Variants in PIK3C2A observed in about 807,000 individuals in gnomAD.
The protein encoded by PIK3C2A is phosphatidylinositol-4-phosphate 3-kinase catalytic subunit type 2 alpha, also known as phosphatidylinositol 4-phosphate 3-kinase C2 domain-containing subunit alpha.
PIK3C2A carries 97 observed loss-of-function variants against 204.5 expected under a neutral mutation model. That is an observed-to-expected ratio of 0.47 (90% CI 0.40 to 0.56). PIK3C2A has a LOEUF of 0.56. PIK3C2A is among the 20% of genes least tolerant of loss of function. The probability of loss-of-function intolerance (pLI) is 0.00; values close to 1 mark genes in which losing one functional copy is unlikely to be tolerated. For missense variants in PIK3C2A, 1,735 were observed against 1,969.2 expected, an observed-to-expected ratio of 0.88 and a Z score of 2.25; for synonymous variants, 653 against 664.4, an observed-to-expected ratio of 0.98 and a Z score of 0.26.
At chr11:17,181,231 G>T (rs1851539056) in intron 1 of PIK3C2A, among the ~76,000 whole-genome samples, 1 of 151,926 alleles carries the variant, frequency 6.6e-6, no homozygotes, top group South Asian at 2.1e-4. Context: ...TCTGGCCATT[G>T]GTAATTGGTC....
chr11:17,160,376 A>C (rs959172027), intron 2 of PIK3C2A, among the ~76,000 whole-genome samples: 3 of 152,240 alleles, frequency 2.0e-5, no homozygotes, highest in African/African-American at 7.2e-5. Flanking sequence ...CCAGGGCAAC[A>C]GAAGTTTCAA....
intron 2 of PIK3C2A, among the ~76,000 whole-genome samples, chr11:17,164,706 A>G (rs890433351): frequency 1.3e-5 from 2 of 152,256 alleles, no homozygotes; most frequent in African/African-American, 2.4e-5. Context: ...TTTAACTAAG[A>G]TCTAGGAACT....
At chr11:17,100,149 A>G (rs1339570171) in intron 25 of PIK3C2A, among the ~76,000 whole-genome samples, 180 bp from the exon 26 acceptor site, 2 of 150,780 alleles carry the variant, frequency 1.3e-5, no homozygotes. Flanking sequence ...ATGGACACCA[A>G]GGAAGTCAAG....
In PIK3C2A at chr11:17,185,560, T is replaced by C. The variant is rs562963230; in HGVS notation, c.-65-15754A>G. ...AGGTGGGGAAACTACTATAGTAAGA[T>C]ATTACAATCAGTGAGAGAAATGATT... On this transcript the variant is annotated intron_variant, in intron 1 of 32. Coordinates refer to ENST00000691414, the MANE Select transcript of PIK3C2A (RefSeq NM_002645.4). Among the ~76,000 whole-genome samples, 4 of 152,326 alleles carry C rather than the reference T, an allele frequency of 2.6e-5. No homozygotes were observed. The East Asian group carries it at 7.7e-4, about 29-fold the overall frequency.
chr11:17,202,183 G>T (rs988700631), intron 1 of PIK3C2A, among the ~76,000 whole-genome samples: 2 of 151,048 alleles, frequency 1.3e-5, no homozygotes, highest in African/African-American at 4.9e-5. Context: ...TTGAACCCAG[G>T]AGGCGGAGGT....
intron 2 of PIK3C2A, among the ~76,000 whole-genome samples, chr11:17,168,377 C>T (rs937191445): frequency 2.6e-5 from 4 of 152,124 alleles, no homozygotes; most frequent in Middle Eastern, 3.4e-3. Flanking sequence ...GTCAGGAGAT[C>T]GAGACCATTC....
chr11:17,206,862 C>G (rs1177084416), intron 1 of PIK3C2A, among the ~76,000 whole-genome samples: 1 of 152,134 alleles, frequency 6.6e-6, no homozygotes, highest in Non-Finnish European at 1.5e-5. Context: ...TGAAACCCAC[C>G]AGGAAAGATT....
intron 15 of PIK3C2A, among the ~76,000 whole-genome samples, chr11:17,120,546 T>A (rs1849338435): frequency 6.6e-6 from 1 of 151,880 alleles, no homozygotes; most frequent in African/African-American, 2.4e-5. Context: ...ATTCATTTCA[T>A]GTGGAGTAAT....
intron 12 of PIK3C2A, among the ~76,000 whole-genome samples, chr11:17,131,477 G>A (rs1047616219): frequency 3.2e-4 from 47 of 147,254 alleles, no homozygotes; most frequent in Admixed American, 2.1e-3. Context: ...GCTGGAGTGC[G>A]GTGGCTCAAT....
In PIK3C2A at chr11:17,102,654, CATTAT is replaced by C. The variant is rs751108306; in HGVS notation, c.3851+3_3851+7del. On this transcript the variant is annotated splice_donor_5th_base_variant and intron_variant, in intron 24 of 32. Coordinates refer to ENST00000691414, the MANE Select transcript of PIK3C2A (RefSeq NM_002645.4). ...CTCATTTCTTTGGCAACAGCAATAA[CATTAT>C]ACCTTTTGAAGCTGCCAAACATCTG... is the stretch of plus-strand genomic sequence containing the variant. 31 of 1,603,144 alleles carry C rather than the reference CATTAT, an allele frequency of 1.9e-5. No homozygotes were observed. In the African/African-American group the frequency reaches 4.0e-4, roughly 21 times the overall value.
At chr11:17,092,482 C>T (rs1414546371) in intron 28 of PIK3C2A, among the ~76,000 whole-genome samples, 1 of 152,120 alleles carries the variant, frequency 6.6e-6, no homozygotes, top group Non-Finnish European at 1.5e-5. Flanking sequence ...GGTTGGCCAA[C>T]ATGATAAAAC....
At chr11:17,206,836 A>G (rs1290410895) in intron 1 of PIK3C2A, among the ~76,000 whole-genome samples, 1 of 152,166 alleles carries the variant, frequency 6.6e-6, no homozygotes, top group Non-Finnish European at 1.5e-5. Flanking sequence ...AATTTTCCCA[A>G]CAGAGCTTTT....
intron 1 of PIK3C2A, chr11:17,194,325 G>A (rs1044941795): frequency 6.9e-6 from 2 of 287,962 alleles, no homozygotes; most frequent in Non-Finnish European, 6.7e-6. Flanking sequence ...GCCTGCCAAC[G>A]TGAGGACACA....
chr11:17,119,947 TA>T lies in PIK3C2A; in HGVS notation c.2684del (p.Leu895TyrfsTer19). The T allele has an allele frequency of 1.3e-6, 2 of 1,590,406 alleles. No individual in the cohort carries two copies. Among genetic ancestry groups the T allele is most frequent in the Non-Finnish European group, 1.7e-6 (2 of 1,164,268 alleles). ...TGAAGCAATAATAACGTTTCTCCCA[TA>T]AAAAAGCTTTATCTTCTTTAGAAAG... ...LGLSKEDKAF[L>X]WEKRYYCFKH... On this transcript the variant is annotated frameshift_variant, in exon 16 of 33. Coordinates refer to ENST00000691414, the MANE Select transcript of PIK3C2A (RefSeq NM_002645.4). LOFTEE classifies it high-confidence loss of function.
At chr11:17,176,160 T>C (rs1590997930) in intron 1 of PIK3C2A, among the ~76,000 whole-genome samples, 2 of 150,852 alleles carry the variant, frequency 1.3e-5, no homozygotes, top group African/African-American at 2.5e-5. Flanking sequence ...CCCACCACCA[T>C]GCCCGGCTCA....
At chr11:17,115,778 T>G (rs1390767502) in intron 19 of PIK3C2A, 2 of 152,212 alleles carry the variant, frequency 1.3e-5, no homozygotes, top group African/African-American at 4.8e-5. Context: ...TCAACTGATT[T>G]TTGACAAGTA....
intron 2 of PIK3C2A, among the ~76,000 whole-genome samples, chr11:17,168,198 C>T (rs895475712): frequency 6.6e-6 from 1 of 152,186 alleles, no homozygotes; most frequent in African/African-American, 2.4e-5. Flanking sequence ...GGCCTAATCA[C>T]ATTTCATCCT....
Position 17,137,943 on chromosome 11 carries a change from T to G in PIK3C2A, c.1705-1318A>C, listed in dbSNP as rs910885679. The G allele has an allele frequency of 8.9e-6, 4 of 450,404 alleles. No individual in the cohort carries two copies. The Admixed American group carries it at 1.2e-4, about 14-fold the overall frequency. 27.9% of individuals were successfully genotyped at this position (450,404 alleles called of 1,614,324 possible). A position where few individuals can be genotyped will look rare whatever the true frequency, so the allele number is the denominator to read the frequency against. ...GCCTTCTAATTTTTTTAAAAAGTCT[T>G]TTAATTTTTATTACTCAAAAAAGCT... On this transcript the variant is annotated intron_variant, in intron 8 of 32. Transcript: ENST00000691414.
At chr11:17,108,268 T>C (rs1462762996) in intron 22 of PIK3C2A, among the ~76,000 whole-genome samples, 1 of 152,098 alleles carries the variant, frequency 6.6e-6, no homozygotes, top group Non-Finnish European at 1.5e-5. Context: ...TATAACAAAG[T>C]TAATAGCTAA....
Sources: gnomAD v4.1 joint callset for allele counts (sites outside exome capture counted in the v4.1 genomes callset) on GRCh38, gnomAD v4.1.1 for gene constraint, MANE v1.5 for transcripts, NCBI Gene and HGNC (gene_info 2026-07-23, HGNC 2026-07-21) for gene names.